SHPRH: variants seen among roughly 807,000 people sequenced by gnomAD.
SHPRH encodes the protein E3 ubiquitin-protein ligase SHPRH.
In SHPRH, 106 loss-of-function variants were observed where a neutral mutation model predicts 202.5. The ratio of observed to expected loss-of-function variants is 0.52; its 90% confidence interval spans 0.45 to 0.62. The LOEUF (loss-of-function observed/expected upper bound fraction) is 0.62, where lower values mean the gene tolerates loss of function less well. Ranked by LOEUF, SHPRH falls within the 20% of genes least tolerant of loss-of-function variation. The pLI, the probability that SHPRH is intolerant of heterozygous loss-of-function variation, is 0.00. For missense variants in SHPRH, 1,710 were observed against 2,020.0 expected, an observed-to-expected ratio of 0.85 and a Z score of 2.94; for synonymous variants, 729 against 686.0, an observed-to-expected ratio of 1.06 and a Z score of -0.98.
At chr6:145,953,131 G>A (rs1429953191) in intron 2 of SHPRH, among the ~76,000 whole-genome samples, 1 of 152,004 alleles carries the variant, frequency 6.6e-6, no homozygotes, top group African/African-American at 2.4e-5. Context: ...AGTTTCTAAT[G>A]GTAGACACTC....
intron 2 of SHPRH, chr6:145,878,066 CT>C (rs1780383304): frequency 6.6e-6 from 1 of 152,166 alleles, no homozygotes; most frequent in South Asian, 2.1e-4. Context: ...CAGAATAAAT[CT>C]CTTCAAATAT....
rs1247824592 is a variant in SHPRH, at chr6:145,924,803, T to G, written c.3338A>C (p.Glu1113Ala). Residue 1113 changes from glutamate to alanine, a missense_variant, in exon 17 of 30, where the codon GAA becomes GCA. Glu to Ala is a moderately radical substitution (Grantham distance 107, BLOSUM62 -1). Coordinates refer to ENST00000275233, the MANE Select transcript of SHPRH (RefSeq NM_001042683.3). ...REHYMSKCNT[E>A]VAEAQQALYP... is the part of the protein sequence containing the mutation. ...TAAAGCTTGCTGGGCTTCAGCAACT[T>G]CTGTATTACACTTGCTCATGTAGTG... 6.2e-7 allele frequency: 1 copy of G among 1,611,920 alleles called. No individual in the cohort carries two copies. Among genetic ancestry groups the G allele is most frequent in the Admixed American group, 1.7e-5 (1 of 59,808 alleles).
chr6:145,954,584 A>G, intron 2 of SHPRH, 106 bp downstream of exon 2: 2 of 1,195,900 alleles, frequency 1.7e-6, no homozygotes, highest in Non-Finnish European at 2.3e-6. Flanking sequence ...AAACTTAACA[A>G]TGAAAGGCTT....
intron 25 of SHPRH, among the ~76,000 whole-genome samples, chr6:145,902,723 A>C (rs1397826678): frequency 6.6e-6 from 1 of 152,116 alleles, no homozygotes; most frequent in Non-Finnish European, 1.5e-5. Context: ...ACTCTAGACT[A>C]TTCAATTGTT....
At chr6:145,869,518 G>A (rs1025032326) in intron 2 of SHPRH, among the ~76,000 whole-genome samples, 1 of 152,182 alleles carries the variant, frequency 6.6e-6, no homozygotes, top group Non-Finnish European at 1.5e-5. Context: ...TTTTTGTGAA[G>A]GGTATAGATC....
intron 26 of SHPRH, 114 bp downstream of exon 26, chr6:145,894,771 G>C: frequency 1.2e-6 from 1 of 836,424 alleles, no homozygotes; most frequent in South Asian, 2.1e-5. Context: ...CTATCTTATG[G>C]ATTTGGGAAA....
chr6:145,908,244 T>C (rs1394590506), intron 25 of SHPRH: 2 of 152,200 alleles, frequency 1.3e-5, no homozygotes, highest in Admixed American at 1.3e-4. Flanking sequence ...TATGTCTTTA[T>C]AGCAGAATGA....
intron 25 of SHPRH, chr6:145,905,245 G>A (rs1782856073): frequency 6.6e-6 from 1 of 152,122 alleles, no homozygotes; most frequent in Admixed American, 6.6e-5. Flanking sequence ...AAAAAAGGAA[G>A]GGCTAAGAAA....
chr6:145,943,635 T>C lies in SHPRH; in HGVS notation c.1746A>G (p.Pro582=). The change falls in exon 9 of 30, where the codon CCA becomes CCG. Residue 582 remains proline (P), a synonymous_variant. Coordinates refer to ENST00000275233, the MANE Select transcript of SHPRH (RefSeq NM_001042683.3). ...NRSKLRKKLV[P]STKKGKSQPF... ...GTTGACTTTTTCCTTTTTTTGTGGA[T>C]GGAACAAGCTTTTTCCTCAATTTAC... 6.2e-7 allele frequency: 1 copy of C among 1,613,906 alleles called. No individual in the cohort carries two copies. Among genetic ancestry groups the C allele is most frequent in the Non-Finnish European group, 8.5e-7 (1 of 1,179,868 alleles).
intron 25 of SHPRH, among the ~76,000 whole-genome samples, chr6:145,902,553 C>T (rs1782593093): frequency 6.6e-6 from 1 of 152,074 alleles, no homozygotes; most frequent in Admixed American, 6.6e-5. Context: ...TTTTAATCCT[C>T]TCCCCTCCAG....
At chr6:145,901,040 C>A (rs936856290) in intron 25 of SHPRH, among the ~76,000 whole-genome samples, 2 of 151,956 alleles carry the variant, frequency 1.3e-5, no homozygotes, top group African/African-American at 4.8e-5. Context: ...TTGATTCAAT[C>A]CTTCCATAAT....
chr6:145,864,943 T>TCACACACACACA (rs71552940), intron 2 of SHPRH, among the ~76,000 whole-genome samples: 24 of 102,822 alleles, frequency 2.3e-4, no homozygotes, highest in African/African-American at 7.3e-4. Context: ...ACACACACAC[T>TCACACACACACA]CACACACACA....
chr6:145,899,043 G>A (rs1404870012), intron 25 of SHPRH, among the ~76,000 whole-genome samples: 1 of 151,966 alleles, frequency 6.6e-6, no homozygotes, highest in African/African-American at 2.4e-5. Context: ...TGAACTCCTG[G>A]CCTCGAGTGA....
downstream of SHPRH, among the ~76,000 whole-genome samples, chr6:145,860,999 A>G (rs1779560793): frequency 6.6e-6 from 1 of 152,154 alleles, no homozygotes; most frequent in Admixed American, 6.5e-5. Flanking sequence ...AATGGATTAA[A>G]TACTTACATG....
chr6:145,888,343 A>G (rs1403394016), intron 28 of SHPRH, among the ~76,000 whole-genome samples: 1 of 152,140 alleles, frequency 6.6e-6, no homozygotes, highest in African/African-American at 2.4e-5. Flanking sequence ...TGCTGGGAGA[A>G]CAGGCTGACA....
chr6:145,962,098 T>C (rs1789145271), intron 1 of SHPRH, among the ~76,000 whole-genome samples: 1 of 152,178 alleles, frequency 6.6e-6, no homozygotes, highest in Non-Finnish European at 1.5e-5. Context: ...ACCGCACTTT[T>C]ACTGTCTTGT....
intron 17 of SHPRH, 34 bp from the exon 18 acceptor site, chr6:145,923,819 A>T (rs768929807): frequency 6.3e-7 from 1 of 1,593,978 alleles, no homozygotes; most frequent in South Asian, 1.1e-5. Flanking sequence ...CAATTAATAC[A>T]TTTTTTTTAG....
At chr6:145,881,110 A>T (rs1583277002), downstream of SHPRH, among the ~76,000 whole-genome samples, 1 of 152,190 alleles carries the variant, frequency 6.6e-6, no homozygotes, top group East Asian at 1.9e-4. Context: ...AATGTAAAAG[A>T]TTGTGTTTTT....
chr6:145,922,292 G>A lies in SHPRH; in HGVS notation c.3776C>T (p.Ser1259Phe), dbSNP rs762282921. The A allele has an allele frequency of 3.2e-6, 5 of 1,570,802 alleles. No individual in the cohort carries two copies. The East Asian group carries it at 9.5e-5, about 30-fold the overall frequency. The part of the protein sequence containing the change: ...LFTEYESKLF[S>F]NTVKGQTAIF... ...AATCAAATAGAGAACTTACGTGTTG[G>A]AAAATAGCTTTGATTCATACTCTGT... is the stretch of plus-strand genomic sequence containing the variant. Residue 1259 changes from serine (S) to phenylalanine (F), a missense_variant, in exon 20 of 30, where the codon TCC becomes TTC. By Grantham distance (155) the Ser-to-Phe change is radical. Coordinates refer to ENST00000275233, the MANE Select transcript of SHPRH (RefSeq NM_001042683.3).
Sources: allele counts gnomAD v4.1 joint callset (sites outside exome capture counted in the v4.1 genomes callset), GRCh38; gene constraint gnomAD v4.1.1; transcripts MANE v1.5; gene names NCBI Gene and HGNC (gene_info 2026-07-23, HGNC 2026-07-21).